KIF5B: variants seen among roughly 807,000 people sequenced by gnomAD.
The protein encoded by KIF5B is kinesin family member 5B.
In KIF5B, 49 loss-of-function variants were observed where a neutral mutation model predicts 132.8. That is an observed-to-expected ratio of 0.37 (90% CI 0.29 to 0.47). KIF5B has a LOEUF of 0.47. Ranked by LOEUF, KIF5B falls within the 20% of genes least tolerant of loss-of-function variation. The pLI is 1.00. For synonymous variants in KIF5B, 355 were observed against 369.4 expected (o/e 0.96, Z 0.45); for missense variants, 780 against 1,144.0 (o/e 0.68, Z 4.59).
Position 32,021,296 on chromosome 10 carries a change from A to G in KIF5B, c.2033-9T>C. On this transcript the variant is annotated splice_polypyrimidine_tract_variant and intron_variant, in intron 17 of 25. Transcript: ENST00000302418. ...CATTTCATGGACTTTCTCTGTTTGA[A>G]TAGAGAGAAAATAGAAGAGTGAAAT... 6.3e-7 allele frequency: 1 copy of G among 1,598,164 alleles called. No individual in the cohort carries two copies. The highest frequency in any genetic ancestry group is 1.1e-5 in the South Asian group (1 of 90,576).
At chr10:32,014,160 G>A (rs1375677703) in intron 25 of KIF5B, among the ~76,000 whole-genome samples, 1 of 152,032 alleles carries the variant, frequency 6.6e-6, no homozygotes, top group Non-Finnish European at 1.5e-5. Flanking sequence ...CCAATTATTA[G>A]GCAACCACTA....
At chr10:32,017,916 TTTA>T in intron 23 of KIF5B, 133 bp downstream of exon 23, 1 of 483,860 alleles carries the variant, frequency 2.1e-6, no homozygotes, top group Non-Finnish European at 3.8e-6. Flanking sequence ...TTATGGTTTC[TTTA>T]TATAATTTCT....
At chr10:32,025,610 A>G (rs1268509099) in intron 15 of KIF5B, among the ~76,000 whole-genome samples, 1 of 149,646 alleles carries the variant, frequency 6.7e-6, no homozygotes, top group Non-Finnish European at 1.5e-5. Flanking sequence ...TCCTAGCCTC[A>G]AGTGATCTGC....
At position 32,056,066 on chromosome 10, in the gene KIF5B, G is replaced by A; in HGVS notation, c.-93C>T. 7 of 1,460,776 alleles carry A rather than the reference G, an allele frequency of 4.8e-6. No homozygotes were observed. The highest frequency in any genetic ancestry group is 1.4e-5 in the African/African-American group (1 of 70,656). 90.5% of individuals were successfully genotyped at this position (1,460,776 alleles called of 1,614,324 possible). ...GGACCTGAGGGCTTGTGGTCGCGAG[G>A]GCCGTGAGAGGCAGCAGTCAGCTGC... On this transcript the variant is annotated 5_prime_UTR_variant, in exon 1 of 26. Coordinates refer to ENST00000302418, the MANE Select transcript of KIF5B (RefSeq NM_004521.3).
chr10:32,049,004 G>A (rs1379101773), intron 1 of KIF5B, among the ~76,000 whole-genome samples: 1 of 152,034 alleles, frequency 6.6e-6, no homozygotes, highest in African/African-American at 2.4e-5. Flanking sequence ...GAGCAGCTGG[G>A]ACTAGAGGCA....
chr10:32,048,610 C>T, intron 1 of KIF5B, 59 bp from the exon 2 acceptor site: 1 of 1,177,344 alleles, frequency 8.5e-7, no homozygotes, highest in East Asian at 2.3e-5. Flanking sequence ...CATTTCTAAC[C>T]TTTACAGATG....
intron 22 of KIF5B, 33 bp from the exon 23 acceptor site, chr10:32,018,189 TA>T (rs376148293): frequency 4.6e-6 from 7 of 1,510,566 alleles, no homozygotes; most frequent in Non-Finnish European, 5.4e-6. Context: ...ACAAAAAAAT[TA>T]AAAAAAACTA....
chr10:32,024,928 T>C (rs1387332055), intron 15 of KIF5B, among the ~76,000 whole-genome samples: 1 of 151,838 alleles, frequency 6.6e-6, no homozygotes, highest in Non-Finnish European at 1.5e-5. Flanking sequence ...AATATAAAAA[T>C]TAACCAGGCG....
intron 2 of KIF5B, 41 bp from the exon 3 acceptor site, chr10:32,040,498 A>C (rs746638842): frequency 8.6e-7 from 1 of 1,168,756 alleles, no homozygotes; most frequent in Non-Finnish European, 1.3e-6. Context: ...TTTTTTCCTT[A>C]AGCAAGATTC....
At chr10:32,050,801 G>A (rs781775106) in intron 1 of KIF5B, among the ~76,000 whole-genome samples, 4 of 152,140 alleles carry the variant, frequency 2.6e-5, no homozygotes, top group Non-Finnish European at 4.4e-5. Context: ...AATTCTACAG[G>A]TGTGACTAAA....
At chr10:32,033,316 T>C (rs1841424132) in intron 12 of KIF5B, among the ~76,000 whole-genome samples, 2 of 152,224 alleles carry the variant, frequency 1.3e-5, no homozygotes, top group Admixed American at 6.5e-5. Flanking sequence ...ACTGGAAGCC[T>C]GTTAGGAACC....
chr10:32,047,647 C>A (rs1480324875), intron 2 of KIF5B, among the ~76,000 whole-genome samples: 1 of 152,076 alleles, frequency 6.6e-6, no homozygotes, highest in Non-Finnish European at 1.5e-5. Flanking sequence ...ATCTATAAAC[C>A]TTCTATAACT....
chr10:32,043,629 G>T (rs1057325723), intron 2 of KIF5B, among the ~76,000 whole-genome samples: 15 of 152,266 alleles, frequency 9.9e-5, no homozygotes, highest in African/African-American at 3.4e-4. Flanking sequence ...TGAATAAATA[G>T]CTACTTAACA....
At chr10:32,051,022 C>T (rs1187394124) in intron 1 of KIF5B, among the ~76,000 whole-genome samples, 2 of 152,138 alleles carry the variant, frequency 1.3e-5, no homozygotes, top group Non-Finnish European at 2.9e-5. Context: ...AGATGAGTAA[C>T]ACAATTTTAG....
In KIF5B at chr10:32,038,230, A is replaced by C. The variant is rs769393029; in HGVS notation, c.443-12T>G. ...GTTGGTCTTTGAAACTGAGAAAGAA[A>C]AACAAATGTTAGCAACATTCTCCTA... On this transcript the variant is annotated splice_polypyrimidine_tract_variant and intron_variant, in intron 5 of 25. Coordinates refer to ENST00000302418, the MANE Select transcript of KIF5B (RefSeq NM_004521.3). 2 of 1,591,540 alleles carry C rather than the reference A, an allele frequency of 1.3e-6. No individual in the cohort carries two copies. The highest frequency in any genetic ancestry group is 3.4e-5 in the Admixed American group (2 of 58,992).
In KIF5B at chr10:32,022,822, T is replaced by C. The variant is rs779573125; in HGVS notation, c.1914+26A>G. ...TTTCTATGTGGCTGTTTCAAAAAAA[T>C]GAATAAACTTTGTTCTATAACATAC... is the stretch of plus-strand genomic sequence containing the variant. On this transcript the variant is annotated intron_variant, in intron 16 of 25. Coordinates refer to ENST00000302418, the MANE Select transcript of KIF5B (RefSeq NM_004521.3). The C allele has an allele frequency of 2.1e-6, 3 of 1,459,552 alleles. No homozygotes were observed. In the African/African-American group the frequency reaches 4.2e-5, roughly 21 times the overall value. The allele number at this position is 1,459,552 out of a possible 1,614,324, so 90.4% of individuals were successfully genotyped here.
intron 11 of KIF5B, 59 bp downstream of exon 11, chr10:32,034,631 T>C: frequency 7.8e-7 from 1 of 1,288,894 alleles, no homozygotes; most frequent in South Asian, 2.1e-5. Context: ...TATTTCTACG[T>C]TTCTATGCTC....
At chr10:32,020,030 C>A in intron 19 of KIF5B, 71 bp from the exon 20 acceptor site, 1 of 1,045,816 alleles carries the variant, frequency 9.6e-7, no homozygotes, top group Non-Finnish European at 1.4e-6. Context: ...TTAAAATTTC[C>A]AAACTTTTAA....
intron 1 of KIF5B, 59 bp downstream of exon 1, chr10:32,055,789 C>A: frequency 6.3e-7 from 1 of 1,594,280 alleles, no homozygotes; most frequent in Admixed American, 1.7e-5. Flanking sequence ...CTTCCCTAAA[C>A]TCCCCGCACA....
Sources: gnomAD v4.1 joint callset for allele counts (sites outside exome capture counted in the v4.1 genomes callset) on GRCh38, gnomAD v4.1.1 for gene constraint, MANE v1.5 for transcripts, NCBI Gene and HGNC (gene_info 2026-07-23, HGNC 2026-07-21) for gene names.